The following DPF3 variants were observed in gnomAD, a reference collection of about 807,000 sequenced individuals.
The protein encoded by DPF3 is zinc finger protein DPF3.
Under a neutral mutation model 56.8 loss-of-function variants are expected in DPF3, and 18 were observed. The observed-to-expected ratio is 0.32, with a 90% CI of 0.22 to 0.47. The LOEUF is 0.47. Among genes scored for constraint, DPF3 ranks in the 20% least tolerant of loss-of-function variants. The pLI, the probability that DPF3 is intolerant of heterozygous loss-of-function variation, is 1.00. For synonymous variants in DPF3, 188 were observed against 180.2 expected (o/e 1.04, Z -0.35); for missense variants, 403 against 488.8 (o/e 0.82, Z 1.65).
At chr14:72,623,711 T>C (rs1037486819) in intron 9 of DPF3, among the ~76,000 whole-genome samples, 1 of 152,210 alleles carries the variant, frequency 6.6e-6, no homozygotes, top group Non-Finnish European at 1.5e-5. Flanking sequence ...TATAAATTCA[T>C]GGTGTAGTGT....
At chr14:72,889,968 G>A (rs1377002512) in intron 1 of DPF3, among the ~76,000 whole-genome samples, 2 of 152,164 alleles carry the variant, frequency 1.3e-5, no homozygotes, top group Non-Finnish European at 2.9e-5. Context: ...GTAAAGCCCT[G>A]TTGGTTCATA....
chr14:72,731,865 C>T lies in DPF3; in HGVS notation c.371G>A (p.Gly124Asp). 1 of 1,612,340 alleles carries T rather than the reference C, an allele frequency of 6.2e-7. No individual in the cohort carries two copies. The highest frequency in any genetic ancestry group is 8.5e-7 in the Non-Finnish European group (1 of 1,179,300). The change falls in exon 4 of 11, where the codon GGC (glycine) becomes GAC (aspartate). Residue 124 changes from glycine to aspartate, a missense_variant. Physicochemically the swap from Gly to Asp is moderately conservative, Grantham distance 94. This residue lies in a region of DPF3 where 340 missense variants were observed against 374.3 expected (regional missense o/e 0.91). Coordinates refer to ENST00000556509, the MANE Select transcript of DPF3 (RefSeq NM_001280542.3). ...ATCCACCTTCTTCTCAACCCCCTCG[C>T]CACGGAGCAAGGCTTCCAGCGTGGT... ...ESTTLEALLR[G>D]EGVEKKVDAR...
chr14:72,679,590 C>T (rs1393032610), intron 7 of DPF3, among the ~76,000 whole-genome samples: 1 of 152,238 alleles, frequency 6.6e-6, no homozygotes, highest in Non-Finnish European at 1.5e-5. Flanking sequence ...CCTCGCCCCT[C>T]TCGTTTGTTC....
chr14:72,717,062 T>G (rs1888962990), intron 5 of DPF3, among the ~76,000 whole-genome samples: 1 of 152,174 alleles, frequency 6.6e-6, no homozygotes, highest in African/African-American at 2.4e-5. Context: ...GTTCATTCAT[T>G]CATTGCCATC....
chr14:72,760,333 T>C (rs1891019364), intron 2 of DPF3, among the ~76,000 whole-genome samples: 1 of 152,108 alleles, frequency 6.6e-6, no homozygotes, highest in Admixed American at 6.6e-5. Flanking sequence ...TAGCCAGGCA[T>C]GGTGGCGCAT....
intron 7 of DPF3, among the ~76,000 whole-genome samples, chr14:72,688,604 C>T (rs558899174): frequency 1.3e-5 from 2 of 152,314 alleles, no homozygotes; most frequent in South Asian, 4.1e-4. Flanking sequence ...ACCAAGGCTG[C>T]ATTTAAGTAG....
At chr14:72,728,542 G>A (rs192148789) in intron 4 of DPF3, among the ~76,000 whole-genome samples, 8 of 152,250 alleles carry the variant, frequency 5.3e-5, no homozygotes, top group East Asian at 1.9e-4. Context: ...TTTATTTAGT[G>A]GGAAACAACA....
At chr14:72,629,796 C>G in intron 8 of DPF3, 60 bp from the exon 9 acceptor site, 2 of 1,316,986 alleles carry the variant, frequency 1.5e-6, no homozygotes, top group East Asian at 5.0e-5. Context: ...CCCCTCAACA[C>G]CACTCACTGG....
chr14:72,836,251 T>TG (rs1361903241), intron 1 of DPF3: 1 of 985,524 alleles, frequency 1.0e-6, no homozygotes, highest in Non-Finnish European at 1.2e-6. Flanking sequence ...CCCTCTCCAG[T>TG]GATATGCTTC....
At chr14:72,756,320 C>A (rs754728519) in intron 2 of DPF3, among the ~76,000 whole-genome samples, 1 of 152,230 alleles carries the variant, frequency 6.6e-6, no homozygotes, top group African/African-American at 2.4e-5. Context: ...AAAACTCACA[C>A]ACTTGCTGGG....
chr14:72,877,423 C>G (rs1886156770), intron 1 of DPF3, among the ~76,000 whole-genome samples: 1 of 152,212 alleles, frequency 6.6e-6, no homozygotes, highest in East Asian at 1.9e-4. Flanking sequence ...CATTTGGGAG[C>G]AGGAGCGCCT....
At chr14:72,771,637 T>C (rs1226009529) in intron 2 of DPF3, 96 bp downstream of exon 2, 16 of 1,493,714 alleles carry the variant, frequency 1.1e-5, no homozygotes, top group Non-Finnish European at 1.3e-5. Flanking sequence ...ACCCCGATCC[T>C]ACCCAGGCTG....
intron 3 of DPF3, among the ~76,000 whole-genome samples, chr14:72,748,889 C>T (rs1014895702): frequency 2.0e-5 from 3 of 152,232 alleles, no homozygotes; most frequent in African/African-American, 7.2e-5. Flanking sequence ...TATGGAAATG[C>T]CTGGATACCC....
intron 1 of DPF3, among the ~76,000 whole-genome samples, chr14:72,789,309 G>T (rs1321046511): frequency 6.6e-6 from 1 of 152,114 alleles, no homozygotes; most frequent in African/African-American, 2.4e-5. Flanking sequence ...TCATTATACA[G>T]CTGAGGACCT....
intron 4 of DPF3, among the ~76,000 whole-genome samples, chr14:72,728,737 A>G (rs1889513095): frequency 6.6e-6 from 1 of 152,164 alleles, no homozygotes; most frequent in Non-Finnish European, 1.5e-5. Context: ...GATATAAGCA[A>G]GCAAAACTGG....
chr14:72,878,889 T>C (rs189730781), intron 1 of DPF3, among the ~76,000 whole-genome samples: 2 of 152,374 alleles, frequency 1.3e-5, no homozygotes, highest in East Asian at 1.9e-4. Flanking sequence ...TCCCAACTCC[T>C]GAAACTGAAG....
intron 8 of DPF3, chr14:72,671,089 A>C (rs1182172813): frequency 6.2e-7 from 1 of 1,603,516 alleles, no homozygotes; most frequent in African/African-American, 1.3e-5. Context: ...ACAATGACCA[A>C]AGTCAGAGGG....
chr14:72,794,596 C>G (rs574262951), intron 1 of DPF3, among the ~76,000 whole-genome samples: 1 of 152,086 alleles, frequency 6.6e-6, no homozygotes, highest in African/African-American at 2.4e-5. Context: ...GCATCCATTG[C>G]CTTTGTTTAA....
At chr14:72,683,818 G>A (rs532941233) in intron 7 of DPF3, among the ~76,000 whole-genome samples, 1 of 152,248 alleles carries the variant, frequency 6.6e-6, no homozygotes, top group East Asian at 1.9e-4. Context: ...AGCTCCCCTG[G>A]TAGGGTGGCC....
Sources: gnomAD v4.1 joint callset for allele counts (sites outside exome capture counted in the v4.1 genomes callset) on GRCh38, gnomAD v4.1.1 for gene constraint, gnomAD v4.1.1 regional missense constraint, MANE v1.5 for transcripts, NCBI Gene and HGNC (gene_info 2026-07-23, HGNC 2026-07-21) for gene names.